Variants in GPR137B observed in about 807,000 individuals in gnomAD.
GPR137B encodes integral membrane protein GPR137B.
GPR137B carries 42 observed loss-of-function variants against 42.5 expected under a neutral mutation model. The ratio of observed to expected loss-of-function variants is 0.99; its 90% confidence interval spans 0.77 to 1.28. The LOEUF (loss-of-function observed/expected upper bound fraction) is 1.28. Ranked by LOEUF, GPR137B falls within the 50% of genes most tolerant of loss-of-function variation. The pLI, the probability that GPR137B is intolerant of heterozygous loss-of-function variation, is 0.00. For synonymous variants in GPR137B, 218 were observed against 209.7 expected, an observed-to-expected ratio of 1.04 and a Z score of -0.34; for missense variants, 487 against 493.9, an observed-to-expected ratio of 0.99 and a Z score of 0.13.
chr1:236,198,690 G>A (rs773992995), intron 5 of GPR137B, among the ~76,000 whole-genome samples: 12 of 152,150 alleles, frequency 7.9e-5, no homozygotes, highest in African/African-American at 2.7e-4. Flanking sequence ...TCACCTCCTT[G>A]GTTAGGTATA....
chr1:236,173,400 AAG>A (rs957785690), intron 2 of GPR137B, among the ~76,000 whole-genome samples: 19 of 102,496 alleles, frequency 1.9e-4, no homozygotes, highest in Non-Finnish European at 2.0e-4. Flanking sequence ...CAGGTAGGGA[AAG>A]AGAGAGAGAG....
Position 236,208,531 on chromosome 1 carries a change from T to C in GPR137B, c.*373T>C, listed in dbSNP as rs5873. The C allele has an allele frequency of 0.16, 147,590 of 942,090 alleles. 14,414 individuals are homozygous for C. Among genetic ancestry groups the C allele is most frequent in the African/African-American group, 0.44 (24,545 of 56,208 alleles). The allele number at this position is 942,090 out of a possible 1,614,324, so 58.4% of individuals were successfully genotyped here. On this transcript the variant is annotated 3_prime_UTR_variant, in exon 7 of 7. Transcript: ENST00000366592. ...TTTTATGCATAATTCACTTTAAAAATATAGAATATATGGTCTAATAGTTTT... is the reference window on the plus strand; with the variant it reads ...TTTTATGCATAATTCACTTTAAAAACATAGAATATATGGTCTAATAGTTTT...
chr1:236,179,903 G>C lies in GPR137B; in HGVS notation c.712G>C (p.Ala238Pro). ...GGGCTCCTCCGTGTGTCAAGTGACT[G>C]CCATCGGTGTCACCGTGATACTGCT... The part of the protein sequence containing the change: ...SKGSSVCQVT[A>P]IGVTVILLYT... The change falls in exon 4 of 7, where the codon GCC becomes CCC. Residue 238 changes from alanine to proline, a missense_variant. Coordinates refer to ENST00000366592, the MANE Select transcript of GPR137B (RefSeq NM_003272.4). 6.3e-7 allele frequency: 1 copy of C among 1,595,690 alleles called. No homozygotes were observed. The highest frequency in any genetic ancestry group is 8.5e-7 in the Non-Finnish European group (1 of 1,170,912).
At chr1:236,167,163 C>T (rs764068996) in intron 1 of GPR137B, among the ~76,000 whole-genome samples, 12 of 152,184 alleles carry the variant, frequency 7.9e-5, no homozygotes, top group Non-Finnish European at 1.6e-4. Context: ...TCAAAGTGTG[C>T]ACCGTGATGT....
At chr1:236,144,896 C>T (rs1018580193) in intron 1 of GPR137B, among the ~76,000 whole-genome samples, 8 of 152,244 alleles carry the variant, frequency 5.3e-5, no homozygotes, top group Non-Finnish European at 7.3e-5. Flanking sequence ...AAATTCTGAA[C>T]TTAGAGCCGG....
chr1:236,160,726 C>T (rs547700399), intron 1 of GPR137B, among the ~76,000 whole-genome samples: 9 of 152,264 alleles, frequency 5.9e-5, no homozygotes, highest in African/African-American at 1.2e-4. Context: ...CCAGCCTCCC[C>T]GTCAGTCGAG....
chr1:236,171,067 T>C lies in GPR137B; in HGVS notation c.464+2312T>C, dbSNP rs1358979891. On this transcript the variant is annotated intron_variant, in intron 2 of 6. Transcript: ENST00000366592. This position sits in a 1 kb window ranked among gnomAD's most constrained non-coding sequence, Gnocchi z 4.4. ...ACAAATCTAACACGAAATGTATTTA[T>C]GTTTCAGATACACCTTATACACATA... 6.6e-6 allele frequency among the ~76,000 whole-genome samples: 1 copy of C among 152,112 alleles called. No individual in the cohort carries two copies. The highest frequency in any genetic ancestry group is 2.4e-5 in the African/African-American group (1 of 41,414).
chr1:236,160,536 C>T (rs1662158137), intron 1 of GPR137B, among the ~76,000 whole-genome samples: 1 of 152,174 alleles, frequency 6.6e-6, no homozygotes, highest in African/African-American at 2.4e-5. Context: ...ACCCAGGCTC[C>T]TTCTGTCTGT....
At position 236,208,351 on chromosome 1, in the gene GPR137B, C is replaced by G; in HGVS notation, c.*193C>G. The stretch of plus-strand genomic sequence containing the variant: ...CCTTATTTTAGTACTAAAGAGGGAG[C>G]CTTGCTATTTCAGTGGGTATAATTT... On this transcript the variant is annotated 3_prime_UTR_variant, in exon 7 of 7. Coordinates refer to ENST00000366592, the MANE Select transcript of GPR137B (RefSeq NM_003272.4). 2 of 1,267,422 alleles carry G rather than the reference C, an allele frequency of 1.6e-6. No homozygotes were observed. The highest frequency in any genetic ancestry group is 2.0e-6 in the Non-Finnish European group (2 of 995,586). The allele number at this position is 1,267,422 out of a possible 1,614,324, so 78.5% of individuals were successfully genotyped here.
intron 1 of GPR137B, among the ~76,000 whole-genome samples, chr1:236,147,299 T>G (rs1380497355): frequency 1.3e-5 from 2 of 152,172 alleles, no homozygotes; most frequent in African/African-American, 4.8e-5. Flanking sequence ...CGGCCTCTGG[T>G]CTTGCTCTGG....
intron 1 of GPR137B, among the ~76,000 whole-genome samples, chr1:236,153,570 T>C (rs1661933287): frequency 6.6e-6 from 1 of 152,236 alleles, no homozygotes; most frequent in Admixed American, 6.5e-5. Flanking sequence ...TGAGTGCTTG[T>C]TGTGTGCCAG....
chr1:236,179,750 A>G (rs1040879633), intron 3 of GPR137B, 129 bp from the exon 4 acceptor site: 1 of 625,184 alleles, frequency 1.6e-6, no homozygotes, highest in Non-Finnish European at 2.8e-6. Context: ...CTCTGATGGA[A>G]GACCCAACAA....
At position 236,208,031 on chromosome 1, in the gene GPR137B, A is replaced by C; in HGVS notation, c.1092-19A>C. On this transcript the variant is annotated intron_variant, in intron 6 of 6. Transcript: ENST00000366592. ...CTATATAATGTTTCAAGTCACTGAA[A>C]TATTTTTTTCTTTTTAAGTTTTGCT... 1 of 1,577,440 alleles carries C rather than the reference A, an allele frequency of 6.3e-7. No individual in the cohort carries two copies. Among genetic ancestry groups the C allele is most frequent in the Non-Finnish European group, 8.7e-7 (1 of 1,147,980 alleles).
chr1:236,163,286 A>G (rs1662252075), intron 1 of GPR137B, among the ~76,000 whole-genome samples: 1 of 152,184 alleles, frequency 6.6e-6, no homozygotes, highest in Non-Finnish European at 1.5e-5. Context: ...TGTATCTAGG[A>G]AGTAACTAGC....
intron 5 of GPR137B, among the ~76,000 whole-genome samples, chr1:236,204,906 A>C (rs769915713): frequency 2.0e-5 from 3 of 152,194 alleles, no homozygotes; most frequent in African/African-American, 7.2e-5. Context: ...TCACTGTTGC[A>C]AGCAAGACTC....
chr1:236,180,113 C>A, intron 4 of GPR137B, 85 bp downstream of exon 4: 1 of 1,083,512 alleles, frequency 9.2e-7, no homozygotes, highest in Non-Finnish European at 1.4e-6. Flanking sequence ...CAGAAAATAC[C>A]AAAATCTGGA....
rs533043266 is a variant in GPR137B at position 236,150,236 on chromosome 1, T to C, written c.414+7200T>C. Among the ~76,000 whole-genome samples the C allele has an allele frequency of 6.6e-6, 1 of 151,180 alleles. No individual in the cohort carries two copies. Among genetic ancestry groups the C allele is most frequent in the South Asian group, 2.1e-4 (1 of 4,732 alleles). On this transcript the variant is annotated intron_variant, in intron 1 of 6. Transcript: ENST00000366592. This position sits in a 1 kb window ranked among gnomAD's most constrained non-coding sequence, Gnocchi z 6.2. ...CTGTGCCTGTGTGTGCCTGTGTATG[T>C]CTGTGCCCGTGTGTGTGCCTGTGTT...
In GPR137B at chr1:236,142,558, C is replaced by G. The variant is rs1473319744; in HGVS notation, c.-65C>G. ...CGGCTTGTTTTCTTTCCTCCAGTCT[C>G]GGGGCTGCAGGCTGAGCGCGATGCG... On this transcript the variant is annotated 5_prime_UTR_variant, in exon 1 of 7. Transcript: ENST00000366592. 18 of 878,710 alleles carry G rather than the reference C, an allele frequency of 2.0e-5. No homozygotes were observed. Among genetic ancestry groups the G allele is most frequent in the Non-Finnish European group, 2.3e-5 (15 of 657,708 alleles). The allele number at this position is 878,710 out of a possible 1,614,324, so 54.4% of individuals were successfully genotyped here.
At chr1:236,183,602 A>G (rs558993164) in intron 4 of GPR137B, among the ~76,000 whole-genome samples, 176 bp from the exon 5 acceptor site, 2 of 152,352 alleles carry the variant, frequency 1.3e-5, no homozygotes, top group East Asian at 3.9e-4. Flanking sequence ...ACTATACTAT[A>G]TTTTAATACT....
Sources: allele counts gnomAD v4.1 joint callset (sites outside exome capture counted in the v4.1 genomes callset), GRCh38; gene constraint gnomAD v4.1.1; non-coding constraint Gnocchi (gnomAD v3.1); transcripts MANE v1.5; gene names NCBI Gene and HGNC (gene_info 2026-07-23, HGNC 2026-07-21).